Variants in VIRMA observed in about 807,000 individuals in gnomAD.
VIRMA encodes the protein vir like m6A methyltransferase associated.
Under a neutral mutation model 182.4 loss-of-function variants are expected in VIRMA, and 65 were observed. That is an observed-to-expected ratio of 0.36 (90% CI 0.29 to 0.44). The LOEUF is 0.44. VIRMA is among the 20% of genes least tolerant of loss of function. The probability of loss-of-function intolerance (pLI) is 1.00; values close to 1 mark genes in which losing one functional copy is unlikely to be tolerated. For missense variants in VIRMA, 1,752 were observed against 2,158.1 expected, an observed-to-expected ratio of 0.81 and a Z score of 3.73; for synonymous variants, 709 against 743.1, an observed-to-expected ratio of 0.95 and a Z score of 0.75.
At chr8:94,542,789 G>A (rs2130386640) in intron 2 of VIRMA, among the ~76,000 whole-genome samples, 1 of 152,280 alleles carries the variant, frequency 6.6e-6, no homozygotes, top group South Asian at 2.1e-4. Context: ...ATTTTTGAAA[G>A]ATGCCTATGA....
Position 94,519,362 on chromosome 8 carries a change from T to C in VIRMA, c.2136A>G (p.Ala712=). 6.3e-7 allele frequency: 1 copy of C among 1,585,834 alleles called. No homozygotes were observed. The highest frequency in any genetic ancestry group is 1.4e-5 in the African/African-American group (1 of 73,368). The change falls in exon 9 of 24, where the codon GCA becomes GCG. Residue 712 remains alanine, a synonymous_variant. Transcript: ENST00000297591. ...AAAAAAGAAGACCCTTCTGTGACTG[T>C]GCAAGAAACTTCAAAACATCTTTTG... is the stretch of plus-strand genomic sequence containing the variant. ...QATKDVLKFL[A]QSQKGLLFFM... is the part of the protein sequence containing the mutation.
rs760684558 is a variant in VIRMA at position 94,519,069 on chromosome 8, G to A, written c.2429C>T (p.Ser810Leu). ...CAGACTAAAAACATGGCCAACAGCT[G>A]ATCTTCCCACAGGATTAAAAGTAAT... ...YLITFNPVGR[S>L]AVGHVFSLEK... Residue 810 changes from serine (S) to leucine (L), a missense_variant, in exon 9 of 24, where the codon TCA becomes TTA. Ser to Leu is a moderately radical substitution (Grantham distance 145). Transcript: ENST00000297591. 9.9e-6 allele frequency: 16 copies of A among 1,613,794 alleles called. No individual in the cohort carries two copies. Among genetic ancestry groups the A allele is most frequent in the Non-Finnish European group, 1.4e-5 (16 of 1,179,962 alleles).
In VIRMA at chr8:94,544,030, C is replaced by G. The variant is rs1815675073; in HGVS notation, c.64-88G>C. On this transcript the variant is annotated intron_variant, in intron 1 of 23. Coordinates refer to ENST00000297591, the MANE Select transcript of VIRMA (RefSeq NM_015496.5). The stretch of plus-strand genomic sequence containing the variant: ...TTCAAATTTTATTCATTCACAATGT[C>G]ACATGTAAACTTAACATTCCATATC... The G allele has an allele frequency of 2.6e-5, 18 of 684,840 alleles. No individual in the cohort carries two copies. The East Asian group carries it at 4.6e-4, about 17-fold the overall frequency. 42.4% of individuals were successfully genotyped at this position (684,840 alleles called of 1,614,324 possible).
At chr8:94,533,669 G>C (rs924082512) in intron 5 of VIRMA, 1 of 142,448 alleles carries the variant, frequency 7.0e-6, no homozygotes, top group Non-Finnish European at 1.5e-5. Context: ...GCCCAGGCTG[G>C]TCTCACACTC....
At chr8:94,544,476 C>T (rs138400316) in intron 1 of VIRMA, among the ~76,000 whole-genome samples, 4,053 of 151,302 alleles carry the variant, frequency 0.027, 193 homozygotes, top group African/African-American at 0.093. Context: ...ATTGAGACCC[C>T]GGTGAAACCC....
chr8:94,494,551 C>T (rs1813704355), intron 20 of VIRMA, among the ~76,000 whole-genome samples: 2 of 127,818 alleles, frequency 1.6e-5, no homozygotes, highest in African/African-American at 6.1e-5. Flanking sequence ...GAGATTGTGC[C>T]ACTGCACTCC....
intron 1 of VIRMA, among the ~76,000 whole-genome samples, chr8:94,548,128 T>C (rs1815839243): frequency 1.3e-5 from 2 of 150,622 alleles, no homozygotes; most frequent in South Asian, 4.1e-4. Flanking sequence ...ACAAGATGGT[T>C]AGGGGACAGT....
chr8:94,529,388 T>C (rs373194831), intron 6 of VIRMA, 46 bp from the exon 7 acceptor site: 1 of 1,152,080 alleles, frequency 8.7e-7, no homozygotes. Flanking sequence ...ATGGTTTAAA[T>C]GACAAAAGGC....
chr8:94,538,639 G>A (rs1376303627), intron 2 of VIRMA, among the ~76,000 whole-genome samples: 3 of 151,540 alleles, frequency 2.0e-5, no homozygotes, highest in Admixed American at 2.0e-4. Flanking sequence ...ACAGAGTTTC[G>A]CTCTTGTTAC....
Position 94,526,462 on chromosome 8 carries a change from A to G in VIRMA, c.1782T>C (p.Leu594=). The part of the protein sequence containing the change: ...SEPDHDTDAG[L]ERTNPEYENE... ...TTTCATATTCTGGGTTTGTTCTCTC[A>G]AGTCCAGCATCTGTGTCGTGATCAG... Residue 594 remains leucine, a synonymous_variant, in exon 8 of 24, where the codon CTT becomes CTC. Transcript: ENST00000297591. The G allele has an allele frequency of 5.6e-6, 9 of 1,614,002 alleles. No individual in the cohort carries two copies. Among genetic ancestry groups the G allele is most frequent in the Non-Finnish European group, 7.6e-6 (9 of 1,180,004 alleles).
rs572170867 is a variant in VIRMA, at chr8:94,519,022, T to C, written c.2476A>G (p.Ile826Val). 1 of 1,613,456 alleles carries C rather than the reference T, an allele frequency of 6.2e-7. No individual in the cohort carries two copies. The highest frequency in any genetic ancestry group is 8.5e-7 in the Non-Finnish European group (1 of 1,179,828). The change falls in exon 9 of 24, where the codon ATT (isoleucine) becomes GTT (valine). Residue 826 changes from isoleucine (I) to valine (V), a missense_variant. Ile to Val is a conservative substitution (Grantham distance 29). Transcript: ENST00000297591. ...TTGGAATAGTACTCCATTAGAGTAA[T>C]AAGACTTTGGAGATTTTTCTCCAGA... ...FSLEKNLQSL[I>V]TLMEYYSKEA...
intron 14 of VIRMA, 46 bp downstream of exon 14, chr8:94,510,371 T>C (rs755071468): frequency 6.7e-7 from 1 of 1,484,308 alleles, no homozygotes; most frequent in South Asian, 1.2e-5. Context: ...AATATATGTG[T>C]CAAAAATAAT....
At chr8:94,496,567 G>A in intron 17 of VIRMA, 87 bp from the exon 18 acceptor site, 1 of 1,050,204 alleles carries the variant, frequency 9.5e-7, no homozygotes, top group Middle Eastern at 2.1e-4. Context: ...TAAGCCATAT[G>A]CTGCAATCTT....
At chr8:94,548,929 T>A (rs1004311950) in intron 1 of VIRMA, among the ~76,000 whole-genome samples, 1 of 152,048 alleles carries the variant, frequency 6.6e-6, no homozygotes, top group Non-Finnish European at 1.5e-5. Context: ...AGTGCTGGTA[T>A]TACAGGCATG....
chr8:94,499,057 G>A (rs1263659517), intron 17 of VIRMA: 3 of 159,554 alleles, frequency 1.9e-5, no homozygotes, highest in African/African-American at 7.2e-5. Context: ...CTCCAGTCTG[G>A]ATGACAGAGT....
intron 5 of VIRMA, 59 bp downstream of exon 5, chr8:94,534,780 T>TC: frequency 6.4e-7 from 1 of 1,572,700 alleles, no homozygotes; most frequent in Non-Finnish European, 8.6e-7. Flanking sequence ...TCGAATTATT[T>TC]TTTTTTTTTA....
intron 15 of VIRMA, among the ~76,000 whole-genome samples, chr8:94,508,124 T>C (rs1358611544): frequency 6.6e-6 from 1 of 152,120 alleles, no homozygotes; most frequent in Non-Finnish European, 1.5e-5. Context: ...GAAGTCTCCC[T>C]CTATTGCCCA....
chr8:94,502,484 A>G (rs1814025053), intron 16 of VIRMA, among the ~76,000 whole-genome samples: 1 of 151,752 alleles, frequency 6.6e-6, no homozygotes, highest in South Asian at 2.1e-4. Context: ...ATTTTAAAAT[A>G]TGTATCTGTT....
Position 94,488,602 on chromosome 8 carries a change from G to C in VIRMA, c.*104C>G. ...TTCTTCAGATAAAAATATTCTCTCA[G>C]ATGTCTCCAGATAACTGCTAAGTCT... On this transcript the variant is annotated 3_prime_UTR_variant, in exon 24 of 24. Transcript: ENST00000297591. 9.7e-7 allele frequency: 1 copy of C among 1,033,792 alleles called. No individual in the cohort carries two copies. The allele number at this position is 1,033,792 out of a possible 1,614,324, so 64.0% of individuals were successfully genotyped here. A position where few individuals can be genotyped will look rare whatever the true frequency, so the allele number is the denominator to read the frequency against.
Sources: allele counts gnomAD v4.1 joint callset (sites outside exome capture counted in the v4.1 genomes callset), GRCh38; gene constraint gnomAD v4.1.1; transcripts MANE v1.5; gene names NCBI Gene and HGNC (gene_info 2026-07-23, HGNC 2026-07-21).